The following RUNX1 variants were observed in gnomAD, a reference collection of about 807,000 sequenced individuals.
RUNX1 encodes the protein runt-related transcription factor 1.
In RUNX1, 19 loss-of-function variants were observed where a neutral mutation model predicts 42.8. The observed-to-expected ratio is 0.44, with a 90% CI of 0.31 to 0.65. The LOEUF (loss-of-function observed/expected upper bound fraction) is 0.65, where lower values mean the gene tolerates loss of function less well. RUNX1 is among the 30% of genes least tolerant of loss of function. The pLI, the probability that RUNX1 is intolerant of heterozygous loss-of-function variation, is 0.07. For missense variants in RUNX1, 528 were observed against 672.0 expected (o/e 0.79, Z 2.37); for synonymous variants, 271 against 289.4 (o/e 0.94, Z 0.64).
At chr21:34,910,009 G>A (rs897451253) in intron 2 of RUNX1, among the ~76,000 whole-genome samples, 3 of 152,200 alleles carry the variant, frequency 2.0e-5, no homozygotes, top group Non-Finnish European at 4.4e-5. Context: ...TGCAGTGTGA[G>A]GAACTTCTAC....
intron 2 of RUNX1, among the ~76,000 whole-genome samples, chr21:35,016,423 T>A (rs2059159347): frequency 6.6e-6 from 1 of 152,138 alleles, no homozygotes; most frequent in Non-Finnish European, 1.5e-5. Flanking sequence ...ATAAGGCTTA[T>A]GGAATAGCCC....
chr21:34,851,068 C>T (rs1017016323), intron 6 of RUNX1, among the ~76,000 whole-genome samples: 36 of 152,164 alleles, frequency 2.4e-4, no homozygotes, highest in African/African-American at 7.7e-4. Context: ...CCCCAGGAAT[C>T]GGCTCTCATA....
At chr21:34,873,699 C>T (rs1176055336) in intron 5 of RUNX1, among the ~76,000 whole-genome samples, 1 of 152,198 alleles carries the variant, frequency 6.6e-6, no homozygotes, top group African/African-American at 2.4e-5. Context: ...CTGAATGGGA[C>T]ATGCTGCCCA....
In RUNX1 at chr21:34,790,428, C is replaced by T. The variant is rs182434289; in HGVS notation, c.*1707G>A. 4.3e-6 allele frequency: 1 copy of T among 233,702 alleles called. No individual in the cohort carries two copies. Among genetic ancestry groups the T allele is most frequent in the Admixed American group, 5.6e-5 (1 of 17,808 alleles). 14.5% of individuals were successfully genotyped at this position (233,702 alleles called of 1,614,324 possible). ...GAATTTTAAGAGGTACGTTAAATAA[C>T]CACCAGATCATTTGGAGCACACATG... On this transcript the variant is annotated 3_prime_UTR_variant, in exon 9 of 9. Coordinates refer to ENST00000675419, the MANE Select transcript of RUNX1 (RefSeq NM_001754.5).
chr21:34,952,677 G>A (rs2058617360), intron 2 of RUNX1, among the ~76,000 whole-genome samples: 1 of 152,076 alleles, frequency 6.6e-6, no homozygotes, highest in Non-Finnish European at 1.5e-5. Flanking sequence ...TCATTTTACA[G>A]AAAAAGAAAT....
At chr21:34,979,983 C>T (rs139523049) in intron 2 of RUNX1, among the ~76,000 whole-genome samples, 92 of 152,162 alleles carry the variant, frequency 6.0e-4, no homozygotes, top group African/African-American at 2.0e-3. Flanking sequence ...AGCGCATGGC[C>T]GAAAGCGAGC....
chr21:34,799,380 C>G lies in RUNX1; in HGVS notation c.888G>C (p.Val296=), dbSNP rs2145908711. Residue 296 remains valine (V), a synonymous_variant, in exon 8 of 9, where the codon GTG becomes GTC. Transcript: ENST00000675419. ...QYLGSIASPS[V]HPATPISPGR... is the part of the protein sequence containing the mutation. ...CAGGTGAAATGGGCGTTGCTGGGTGCACAGAAGGAGAGGCAATGGATCCCA... is the reference window on the plus strand; with the variant it reads ...CAGGTGAAATGGGCGTTGCTGGGTGGACAGAAGGAGAGGCAATGGATCCCA... 1 of 1,614,178 alleles carries G rather than the reference C, an allele frequency of 6.2e-7. No homozygotes were observed. The highest frequency in any genetic ancestry group is 8.5e-7 in the Non-Finnish European group (1 of 1,180,036).
At chr21:34,888,488 G>A (rs2146424429) in intron 3 of RUNX1, 1 of 1,066,288 alleles carries the variant, frequency 9.4e-7, no homozygotes, top group South Asian at 4.5e-5. Flanking sequence ...TAATTCAAAA[G>A]GAAGAAAGGG....
intron 3 of RUNX1, among the ~76,000 whole-genome samples, chr21:34,890,243 C>G (rs1229762545): frequency 6.6e-6 from 1 of 151,948 alleles, no homozygotes; most frequent in East Asian, 1.9e-4. Context: ...ACGCCGCGCG[C>G]AGTCCCCGGA....
intron 2 of RUNX1, among the ~76,000 whole-genome samples, chr21:35,011,314 T>C (rs1005572301): frequency 1.3e-5 from 2 of 152,162 alleles, no homozygotes; most frequent in Non-Finnish European, 2.9e-5. Flanking sequence ...CACATGACAA[T>C]TGATCCAGGC....
chr21:34,970,613 G>A (rs145349347), intron 2 of RUNX1, among the ~76,000 whole-genome samples: 108 of 152,198 alleles, frequency 7.1e-4, no homozygotes, highest in African/African-American at 2.1e-3. Flanking sequence ...GGGCTCCTAC[G>A]TTGGTCAGAG....
At chr21:34,997,460 T>C (rs1445025099) in intron 2 of RUNX1, among the ~76,000 whole-genome samples, 1 of 152,162 alleles carries the variant, frequency 6.6e-6, no homozygotes, top group Non-Finnish European at 1.5e-5. Context: ...AAGGAAGCAG[T>C]AGGAGATGGT....
At chr21:34,821,757 C>A (rs2056912052) in intron 7 of RUNX1, 3 of 1,453,792 alleles carry the variant, frequency 2.1e-6, no homozygotes, top group South Asian at 1.3e-5. Flanking sequence ...CTTTATAGAG[C>A]CGCGAATGCA....
At position 34,823,430 on chromosome 21, in the gene RUNX1, G is replaced by GTTTTTTTTTTTTTTT. The variant is rs56957776; in HGVS notation, c.805+10965_805+10979dup. Reference sequence around the variant, plus strand: ...TAAGCACCATTTCCATTCCTGGTGGGTTTTTTTTTTTTTTTTTTTTTTTTT... The same window carrying GTTTTTTTTTTTTTTT: ...TAAGCACCATTTCCATTCCTGGTGGGTTTTTTTTTTTTTTTTTTTTTTTTTTTTTTTTTTTTTTTT... On this transcript the variant is annotated intron_variant, in intron 7 of 8. Transcript: ENST00000675419. Among the ~76,000 whole-genome samples the GTTTTTTTTTTTTTTT allele has an allele frequency of 1.0e-4, 10 of 99,712 alleles. 1 individual carries two copies. The highest frequency in any genetic ancestry group is 3.1e-4 in the Admixed American group (3 of 9,528). 65.4% of individuals were successfully genotyped at this position (99,712 alleles called of 152,430 possible).
chr21:34,818,653 C>T (rs1232232228), intron 7 of RUNX1, among the ~76,000 whole-genome samples: 3 of 152,252 alleles, frequency 2.0e-5, no homozygotes, highest in African/African-American at 4.8e-5. Flanking sequence ...AGTAATACCA[C>T]TGCAGCCAGC....
intron 7 of RUNX1, among the ~76,000 whole-genome samples, chr21:34,803,995 A>G (rs1031679859): frequency 6.6e-6 from 1 of 152,230 alleles, no homozygotes; most frequent in Admixed American, 6.5e-5. Context: ...ATAAGAAAAA[A>G]TGCTGAACAA....
intron 2 of RUNX1, among the ~76,000 whole-genome samples, chr21:34,896,246 T>A (rs1340240833): frequency 2.0e-5 from 3 of 152,156 alleles, no homozygotes; most frequent in African/African-American, 7.2e-5. Flanking sequence ...AATCAAACTC[T>A]ATGCTAGTTT....
intron 2 of RUNX1, among the ~76,000 whole-genome samples, chr21:34,933,112 G>A (rs2058460128): frequency 6.6e-6 from 1 of 152,160 alleles, no homozygotes; most frequent in African/African-American, 2.4e-5. Context: ...CAAAGCTGTT[G>A]GCTTTAATCA....
intron 2 of RUNX1, among the ~76,000 whole-genome samples, chr21:35,039,968 C>T (rs1241083981): frequency 6.6e-6 from 1 of 152,186 alleles, no homozygotes; most frequent in Non-Finnish European, 1.5e-5. Flanking sequence ...TTCATTTTCA[C>T]CCATTCACCC....
Sources: allele counts gnomAD v4.1 joint callset (sites outside exome capture counted in the v4.1 genomes callset), GRCh38; gene constraint gnomAD v4.1.1; transcripts MANE v1.5; gene names NCBI Gene and HGNC (gene_info 2026-07-23, HGNC 2026-07-21).